The following NEIL2 variants were observed in gnomAD, a reference collection of about 807,000 sequenced individuals.
The protein encoded by NEIL2 is endonuclease 8-like 2.
In NEIL2, 23 loss-of-function variants were observed where a neutral mutation model predicts 22.2. That is an observed-to-expected ratio of 1.04 (90% CI 0.75 to 1.47). The LOEUF (loss-of-function observed/expected upper bound fraction) is 1.47. Among genes scored for constraint, NEIL2 ranks in the 40% most tolerant of loss-of-function variants. The pLI, the probability that NEIL2 is intolerant of heterozygous loss-of-function variation, is 0.00. For synonymous variants in NEIL2, 229 were observed against 164.8 expected (o/e 1.39, Z -2.99); for missense variants, 583 against 404.7 (o/e 1.44, Z -3.78).
At chr8:11,779,501 G>C (rs1585764811) in intron 2 of NEIL2, 97 bp from the exon 3 acceptor site, 1 of 997,608 alleles carries the variant, frequency 1.0e-6, no homozygotes, top group East Asian at 2.4e-5. Context: ...CCCCAGGAGG[G>C]GTGAGAAGGA....
intron 2 of NEIL2, among the ~76,000 whole-genome samples, chr8:11,773,699 TTGA>T (rs1453027549): frequency 1.3e-5 from 2 of 151,970 alleles, no homozygotes; most frequent in Non-Finnish European, 2.9e-5. Context: ...GCAGGGTGAG[TTGA>T]TGAGGCAGGA....
intron 2 of NEIL2, among the ~76,000 whole-genome samples, chr8:11,772,700 G>T (rs767948771): frequency 3.9e-5 from 6 of 152,190 alleles, no homozygotes; most frequent in Non-Finnish European, 7.3e-5. Context: ...GTGCCGGCAC[G>T]TAGGAAGCAC....
At chr8:11,777,601 C>T (rs1376813240) in intron 2 of NEIL2, among the ~76,000 whole-genome samples, 1 of 152,130 alleles carries the variant, frequency 6.6e-6, no homozygotes, top group Non-Finnish European at 1.5e-5. Context: ...TTTTACTTCC[C>T]CAGATACCTC....
rs57173797 is a variant in NEIL2 at position 11,778,943 on chromosome 8, G to GAAAAA, written c.139-637_139-633dup. On this transcript the variant is annotated intron_variant, in intron 2 of 4. Transcript: ENST00000284503. Reference sequence around the variant, plus strand: ...CTCCAGTCTAGGCGAGACTCCATCTGAAAAAAAAAAAAAAAAAAAAAAGAC... The same window carrying GAAAAA: ...CTCCAGTCTAGGCGAGACTCCATCTGAAAAAAAAAAAAAAAAAAAAAAAAAAAGAC... Among the ~76,000 whole-genome samples the GAAAAA allele has an allele frequency of 8.0e-3, 357 of 44,486 alleles. 64 individuals carry two copies. The highest frequency in any genetic ancestry group is 0.033 in the East Asian group (38 of 1,160). 29.2% of individuals were successfully genotyped at this position (44,486 alleles called of 152,430 possible).
intron 2 of NEIL2, among the ~76,000 whole-genome samples, chr8:11,773,676 G>A (rs892945629): frequency 3.3e-5 from 5 of 152,206 alleles, no homozygotes; most frequent in African/African-American, 4.8e-5. Context: ...GCGGGCCGAT[G>A]GAGGTGGAGT....
In NEIL2 at chr8:11,786,347, T is replaced by A; in HGVS notation, c.*74T>A. 1 of 1,448,906 alleles carries A rather than the reference T, an allele frequency of 6.9e-7. No individual in the cohort carries two copies. The allele number at this position is 1,448,906 out of a possible 1,614,324, so 89.8% of individuals were successfully genotyped here. On this transcript the variant is annotated 3_prime_UTR_variant, in exon 5 of 5. Coordinates refer to ENST00000284503, the MANE Select transcript of NEIL2 (RefSeq NM_145043.4). Reference sequence around the variant, plus strand: ...GTCTAAGTGTCCAGAAAGGAGGATGTGGGCAGGGACGGGGTACAGAGGATA... The same window carrying A: ...GTCTAAGTGTCCAGAAAGGAGGATGAGGGCAGGGACGGGGTACAGAGGATA...
rs142586380 is a variant in NEIL2 at position 11,771,508 on chromosome 8, C to G, written c.61C>G (p.Gln21Glu). The G allele has an allele frequency of 7.4e-5, 119 of 1,614,132 alleles. No homozygotes were observed. The African/African-American group carries it at 1.4e-3, about 19-fold the overall frequency. Residue 21 changes from glutamine to glutamate, a missense_variant, in exon 2 of 5, where the codon CAG becomes GAG. Coordinates refer to ENST00000284503, the MANE Select transcript of NEIL2 (RefSeq NM_145043.4). ...TTTGGTCTCCCCCTTTGTGGGTCAGCAGGTGGTCAAGACAGGGGGCAGCAG... is the reference window on the plus strand; with the variant it reads ...TTTGGTCTCCCCCTTTGTGGGTCAGGAGGTGGTCAAGACAGGGGGCAGCAG... The part of the protein sequence containing the change: ...HHLVSPFVGQ[Q>E]VVKTGGSSKK...
rs1394154186 is a variant in NEIL2 at position 11,779,643 on chromosome 8, A to G, written c.184A>G (p.Met62Val). ...CCTTAGATTTGATCTAGATGAAGAA[A>G]TGGGGCCCCCTGGCAGCAGCCCAAC... is the stretch of plus-strand genomic sequence containing the variant. ...LFLRFDLDEE[M>V]GPPGSSPTPE... The change falls in exon 3 of 5, where the codon ATG (methionine) becomes GTG (valine). Residue 62 changes from methionine (M) to valine (V), a missense_variant. Physicochemically the swap from Met to Val is conservative, Grantham distance 21 (BLOSUM62 1). Coordinates refer to ENST00000284503, the MANE Select transcript of NEIL2 (RefSeq NM_145043.4). 1 of 1,613,746 alleles carries G rather than the reference A, an allele frequency of 6.2e-7. No individual in the cohort carries two copies. Among genetic ancestry groups the G allele is most frequent in the South Asian group, 1.1e-5 (1 of 91,086 alleles).
chr8:11,785,479 C>T (rs141764594), intron 4 of NEIL2, among the ~76,000 whole-genome samples: 118 of 152,262 alleles, frequency 7.7e-4, no homozygotes, highest in African/African-American at 2.5e-3. Context: ...TACAGGAATG[C>T]GCCAGGCCAA....
At chr8:11,776,414 C>T (rs1271487447) in intron 2 of NEIL2, among the ~76,000 whole-genome samples, 1 of 152,212 alleles carries the variant, frequency 6.6e-6, no homozygotes, top group East Asian at 1.9e-4. Context: ...CCATATCACA[C>T]ATTTTATGGT....
chr8:11,779,532 A>G, intron 2 of NEIL2, 66 bp from the exon 3 acceptor site: 2 of 1,262,394 alleles, frequency 1.6e-6, no homozygotes, highest in Non-Finnish European at 2.3e-6. Flanking sequence ...AATAGGATAA[A>G]TATCCGCATT....
intron 4 of NEIL2, among the ~76,000 whole-genome samples, chr8:11,785,636 T>C (rs539642832): frequency 6.6e-6 from 1 of 152,210 alleles, no homozygotes; most frequent in Non-Finnish European, 1.5e-5. Context: ...CTGCAGCTAA[T>C]TGAGGCTGAG....
rs367973565 is a variant in NEIL2, at chr8:11,779,877, A to G, written c.418A>G (p.Ser140Gly). Residue 140 changes from serine to glycine, a missense_variant, in exon 3 of 5, where the codon AGC becomes GGC. Ser to Gly is a moderately conservative substitution (Grantham distance 56). Coordinates refer to ENST00000284503, the MANE Select transcript of NEIL2 (RefSeq NM_145043.4). Reference protein sequence around the residue: ...WLRVSFGLFGSVWVNDFSRAK... With the variant: ...WLRVSFGLFGGVWVNDFSRAK... ...GCGTGTCAGCTTTGGTTTGTTTGGC[A>G]GCGTTTGGGTGAACGATTTCTCCAG... 2.5e-6 allele frequency: 4 copies of G among 1,614,046 alleles called. No homozygotes were observed. The highest frequency in any genetic ancestry group is 3.4e-6 in the Non-Finnish European group (4 of 1,180,036).
At chr8:11,783,434 T>C (rs758161282) in intron 4 of NEIL2, 35 bp downstream of exon 4, 1 of 1,594,772 alleles carries the variant, frequency 6.3e-7, no homozygotes, top group South Asian at 1.1e-5. Context: ...GTCCACAGAG[T>C]TGCTTCATGG....
At chr8:11,779,537 C>T (rs764462083) in intron 2 of NEIL2, 61 bp from the exon 3 acceptor site, 33 of 1,296,188 alleles carry the variant, frequency 2.5e-5, no homozygotes, top group South Asian at 4.7e-5. Flanking sequence ...GATAAATATC[C>T]GCATTCCCCA....
intron 4 of NEIL2, among the ~76,000 whole-genome samples, chr8:11,783,656 G>A (rs768552702): frequency 2.0e-4 from 30 of 152,338 alleles, no homozygotes; most frequent in South Asian, 4.1e-4. Context: ...TGCCAGCAGC[G>A]TTGGAGCATC....
In NEIL2 at chr8:11,777,309, T is replaced by G. The variant is rs75484116; in HGVS notation, c.139-2289T>G. Among the ~76,000 whole-genome samples the G allele has an allele frequency of 5.1e-3, 770 of 152,224 alleles. 8 individuals carry two copies. Among genetic ancestry groups the G allele is most frequent in the African/African-American group, 0.017 (720 of 41,526 alleles). ...TGCCTGGCCTAGCCACACTTTTCTC[T>G]GTGCTCTTGTAGTATCTGTTTTCAC... is the stretch of plus-strand genomic sequence containing the variant. On this transcript the variant is annotated intron_variant, in intron 2 of 4. Transcript: ENST00000284503.
Position 11,779,750 on chromosome 8 carries a change from C to A in NEIL2, c.291C>A (p.Thr97=), listed in dbSNP as rs201796630. The part of the protein sequence containing the change: ...KQVGEPSGQK[T]LDGSSRSAEL... ...TCGGGGAGCCCAGCGGGCAGAAGAC[C>A]CTTGATGGATCCTCACGGTCTGCAG... Residue 97 remains threonine (T), a synonymous_variant, in exon 3 of 5, where the codon ACC becomes ACA. Coordinates refer to ENST00000284503, the MANE Select transcript of NEIL2 (RefSeq NM_145043.4). 3 of 1,614,200 alleles carry A rather than the reference C, an allele frequency of 1.9e-6. No homozygotes were observed. Among genetic ancestry groups the A allele is most frequent in the Non-Finnish European group, 2.5e-6 (3 of 1,180,038 alleles).
At chr8:11,783,112 A>C in intron 3 of NEIL2, 91 bp from the exon 4 acceptor site, 1 of 1,001,260 alleles carries the variant, frequency 1.0e-6, no homozygotes, top group Non-Finnish European at 1.6e-6. Context: ...CGATGTGGGG[A>C]TGTGTGTATG....
Sources: allele counts gnomAD v4.1 joint callset (sites outside exome capture counted in the v4.1 genomes callset), GRCh38; gene constraint gnomAD v4.1.1; transcripts MANE v1.5; gene names NCBI Gene and HGNC (gene_info 2026-07-23, HGNC 2026-07-21).